PITPNM3: variants seen among roughly 807,000 people sequenced by gnomAD.
PITPNM3 encodes PITPNM family member 3.
In PITPNM3, 26 loss-of-function variants were observed where a neutral mutation model predicts 102.0. The observed-to-expected ratio is 0.25, with a 90% confidence interval of 0.19 to 0.35. The LOEUF is 0.35. Among genes scored for constraint, PITPNM3 ranks in the 10% least tolerant of loss-of-function variants. PITPNM3 has a pLI of 1.00. For synonymous variants in PITPNM3, 578 were observed against 558.6 expected, an observed-to-expected ratio of 1.03 and a Z score of -0.49; for missense variants, 1,083 against 1,346.1, an observed-to-expected ratio of 0.80 and a Z score of 3.06.
At position 6,483,745 on chromosome 17, in the gene PITPNM3, C is replaced by A; in HGVS notation, c.359G>T (p.Cys120Phe). The change falls in exon 6 of 20, where the codon TGC becomes TTC. Residue 120 changes from cysteine to phenylalanine, a missense_variant. Coordinates refer to ENST00000262483, the MANE Select transcript of PITPNM3 (RefSeq NM_031220.4). ...ATGTGTCTTGCAGGAGCGCTGCGGG[C>A]AGCCTTCCTGAGAGCCAAGGCGGTT... ...IEIHEDSEEG[C>F]PQRSCKTHVL... 1.9e-6 allele frequency: 3 copies of A among 1,612,270 alleles called. No homozygotes were observed. The highest frequency in any genetic ancestry group is 2.5e-6 in the Non-Finnish European group (3 of 1,180,026).
intron 14 of PITPNM3, among the ~76,000 whole-genome samples, chr17:6,465,738 T>TC (rs1904734606): frequency 6.6e-6 from 1 of 152,156 alleles, no homozygotes; most frequent in African/African-American, 2.4e-5. Context: ...TTTTCTTCAT[T>TC]TATCAATGAA....
intron 3 of PITPNM3, among the ~76,000 whole-genome samples, chr17:6,519,450 C>T (rs1048617638): frequency 2.0e-5 from 3 of 147,660 alleles, no homozygotes; most frequent in Non-Finnish European, 1.5e-5. Context: ...ACCTGGGAGG[C>T]GGGGCTTGCA....
At chr17:6,538,857 T>G (rs1909586028) in intron 1 of PITPNM3, among the ~76,000 whole-genome samples, 3 of 152,188 alleles carry the variant, frequency 2.0e-5, no homozygotes, top group African/African-American at 7.2e-5. Flanking sequence ...CCCTAGCCAC[T>G]GCCAGGTGAG....
At chr17:6,523,459 G>A (rs1567687320) in intron 3 of PITPNM3, among the ~76,000 whole-genome samples, 1 of 152,162 alleles carries the variant, frequency 6.6e-6, no homozygotes, top group Non-Finnish European at 1.5e-5. Context: ...ACCTCCCGCT[G>A]TGCTTCCTCG....
Position 6,556,290 on chromosome 17 carries a change from T to A in PITPNM3, c.22+95A>T. The A allele has an allele frequency of 8.8e-7, 1 of 1,142,312 alleles. No homozygotes were observed. The highest frequency in any genetic ancestry group is 1.2e-6 in the Non-Finnish European group (1 of 859,564). The allele number at this position is 1,142,312 out of a possible 1,614,324, so 70.8% of individuals were successfully genotyped here. ...CGCCCTCCCGGGACCTCCGCCCACC[T>A]GCGCGAGGGGTTCACCTGGGCCGGC... On this transcript the variant is annotated intron_variant, in intron 1 of 19. Coordinates refer to ENST00000262483, the MANE Select transcript of PITPNM3 (RefSeq NM_031220.4). The surrounding 1 kb of genome is among the most constrained non-coding windows in gnomAD (Gnocchi z 5.2).
In PITPNM3 at chr17:6,452,970, C is replaced by CT. The variant is rs1913911622; in HGVS notation, c.*2367dup. ...TCTCTCTCTCTCTTCCTCTCTCTCTCTCTCTTCCTCTCTCTCTCTCTCTGT... is the reference window on the plus strand; with the variant it reads ...TCTCTCTCTCTCTTCCTCTCTCTCTCTTCTCTTCCTCTCTCTCTCTCTCTGT... On this transcript the variant is annotated 3_prime_UTR_variant, in exon 20 of 20. Coordinates refer to ENST00000262483, the MANE Select transcript of PITPNM3 (RefSeq NM_031220.4). 1 of 146,890 alleles carries CT rather than the reference C, an allele frequency of 6.8e-6. No homozygotes were observed. Among genetic ancestry groups the CT allele is most frequent in the African/African-American group, 2.6e-5 (1 of 39,208 alleles). The allele number at this position is 146,890 out of a possible 1,614,324, so 9.1% of individuals were successfully genotyped here.
In PITPNM3 at chr17:6,472,872, G is replaced by A. The variant is rs1178586992; in HGVS notation, c.1259-45C>T. On this transcript the variant is annotated intron_variant, in intron 10 of 19. Coordinates refer to ENST00000262483, the MANE Select transcript of PITPNM3 (RefSeq NM_031220.4). The surrounding 1 kb of genome is among the most constrained non-coding windows in gnomAD (Gnocchi z 4.1). ...AGAGGGAAGCCACTTTCTAGTACCTGCTCCCTGGGCCCTAGGAGGCTCCCT... is the reference window on the plus strand; with the variant it reads ...AGAGGGAAGCCACTTTCTAGTACCTACTCCCTGGGCCCTAGGAGGCTCCCT... 1.2e-6 allele frequency: 2 copies of A among 1,605,798 alleles called. No homozygotes were observed. Among genetic ancestry groups the A allele is most frequent in the African/African-American group, 1.3e-5 (1 of 74,820 alleles).
chr17:6,492,584 C>A (rs1906559566), intron 4 of PITPNM3, among the ~76,000 whole-genome samples: 1 of 152,136 alleles, frequency 6.6e-6, no homozygotes, highest in Non-Finnish European at 1.5e-5. Flanking sequence ...AGGCTAGGCG[C>A]CATGGCTCAC....
At chr17:6,550,969 G>A (rs1194472655) in intron 1 of PITPNM3, among the ~76,000 whole-genome samples, 1 of 152,194 alleles carries the variant, frequency 6.6e-6, no homozygotes, top group Non-Finnish European at 1.5e-5. Context: ...GTCTGCTGCT[G>A]GGATAGGTGA....
chr17:6,549,581 G>A (rs1910200628), intron 1 of PITPNM3, among the ~76,000 whole-genome samples: 1 of 152,230 alleles, frequency 6.6e-6, no homozygotes, highest in African/African-American at 2.4e-5. Flanking sequence ...GGCCTCCACA[G>A]GCACACGTGG....
chr17:6,490,138 G>A (rs569610936), intron 4 of PITPNM3, among the ~76,000 whole-genome samples: 1 of 152,256 alleles, frequency 6.6e-6, no homozygotes, highest in South Asian at 2.1e-4. Context: ...GATGACATCT[G>A]GGAAGAACTA....
intron 1 of PITPNM3, among the ~76,000 whole-genome samples, chr17:6,550,778 A>T (rs901463526): frequency 6.6e-6 from 1 of 152,180 alleles, no homozygotes; most frequent in Non-Finnish European, 1.5e-5. Context: ...GTCCTGCCAC[A>T]CTGGACTTCC....
At chr17:6,513,071 A>C (rs1394727428) in intron 3 of PITPNM3, among the ~76,000 whole-genome samples, 3 of 114,850 alleles carry the variant, frequency 2.6e-5, no homozygotes, top group African/African-American at 5.6e-5. Flanking sequence ...ACATGTCTGC[A>C]AAAAAAAAAA....
At chr17:6,512,713 A>T (rs927671366) in intron 3 of PITPNM3, among the ~76,000 whole-genome samples, 1 of 152,220 alleles carries the variant, frequency 6.6e-6, no homozygotes, top group Non-Finnish European at 1.5e-5. Flanking sequence ...AGGAAAAAAT[A>T]GCTCTCTGGA....
chr17:6,539,035 C>T (rs936946179), intron 1 of PITPNM3, among the ~76,000 whole-genome samples: 11 of 151,790 alleles, frequency 7.2e-5, no homozygotes, highest in South Asian at 4.2e-4. Flanking sequence ...GCCCTCCTGC[C>T]TGTCGTTCCT....
At position 6,514,644 on chromosome 17, in the gene PITPNM3, C is replaced by T. The variant is rs114432619; in HGVS notation, c.226+10712G>A. ...ATGCAGAGAAATTGGAACCTTTTTA[C>T]ATTACTGGTGGAAATGTAAAGTGGG... is the stretch of plus-strand genomic sequence containing the variant. On this transcript the variant is annotated intron_variant, in intron 3 of 19. Coordinates refer to ENST00000262483, the MANE Select transcript of PITPNM3 (RefSeq NM_031220.4). Among the ~76,000 whole-genome samples, 512 of 152,304 alleles carry T rather than the reference C, an allele frequency of 3.4e-3. 1 individual carries two copies. Among genetic ancestry groups the T allele is most frequent in the African/African-American group, 0.012 (499 of 41,562 alleles).
chr17:6,498,873 G>A (rs952875926), intron 4 of PITPNM3, among the ~76,000 whole-genome samples: 1 of 152,118 alleles, frequency 6.6e-6, no homozygotes, highest in Non-Finnish European at 1.5e-5. Flanking sequence ...GGTATAGTGG[G>A]AGCACTCCGG....
At chr17:6,529,218 C>A (rs1392091357) in intron 2 of PITPNM3, among the ~76,000 whole-genome samples, 2 of 152,176 alleles carry the variant, frequency 1.3e-5, no homozygotes, top group Non-Finnish European at 2.9e-5. Flanking sequence ...CCTGTAAGCA[C>A]AACCTACAAT....
chr17:6,556,105 GCGGGACTGGCC>G lies in PITPNM3; in HGVS notation c.22+269_22+279del, dbSNP rs1017201514. 2.2e-4 allele frequency among the ~76,000 whole-genome samples: 34 copies of G among 152,066 alleles called. 2 individuals are homozygous for G. On this transcript the variant is annotated intron_variant, in intron 1 of 19. Coordinates refer to ENST00000262483, the MANE Select transcript of PITPNM3 (RefSeq NM_031220.4). The surrounding 1 kb of genome is among the most constrained non-coding windows in gnomAD (Gnocchi z 5.2). Reference sequence around the variant, plus strand: ...CGCGGGGTGCAGAGGGCTCCCAACGGCGGGACTGGCCCGGGGCGCCGCAGACCTGGCCCTTT... The same window carrying G: ...CGCGGGGTGCAGAGGGCTCCCAACGGCGGGGCGCCGCAGACCTGGCCCTTT...
Sources: gnomAD v4.1 joint callset for allele counts (sites outside exome capture counted in the v4.1 genomes callset) on GRCh38, gnomAD v4.1.1 for gene constraint, Gnocchi (gnomAD v3.1) non-coding constraint, MANE v1.5 for transcripts, NCBI Gene and HGNC (gene_info 2026-07-23, HGNC 2026-07-21) for gene names.